The following GRK3 variants were observed in gnomAD, a reference collection of about 807,000 sequenced individuals.
GRK3 encodes G protein-coupled receptor kinase 3, also known as adrenergic, beta, receptor kinase 2.
In GRK3, 54 loss-of-function variants were observed where a neutral mutation model predicts 95.7. That is an observed-to-expected ratio of 0.56 (90% CI 0.45 to 0.71). GRK3 has a LOEUF of 0.71. GRK3 is among the 30% of genes least tolerant of loss of function. The pLI, the probability that GRK3 is intolerant of heterozygous loss-of-function variation, is 0.00. For synonymous variants in GRK3, 281 were observed against 290.8 expected (o/e 0.97, Z 0.34); for missense variants, 649 against 851.2 (o/e 0.76, Z 2.96).
intron 5 of GRK3, among the ~76,000 whole-genome samples, chr22:25,666,840 A>G (rs1295228320): frequency 6.6e-6 from 1 of 152,184 alleles, no homozygotes; most frequent in East Asian, 1.9e-4. Context: ...AGGGTGCCAA[A>G]ATGTTTCCCA....
intron 17 of GRK3, 89 bp from the exon 18 acceptor site, chr22:25,714,319 T>C (rs1245465653): frequency 1.8e-5 from 20 of 1,106,434 alleles, no homozygotes; most frequent in South Asian, 3.2e-5. Flanking sequence ...TATAGAGTTA[T>C]GATAGAGTCA....
At chr22:25,666,673 C>T (rs1601512592) in intron 5 of GRK3, among the ~76,000 whole-genome samples, 2 of 152,208 alleles carry the variant, frequency 1.3e-5, no homozygotes, top group Admixed American at 1.3e-4. Context: ...CCTCCCAGCC[C>T]ATGTTTGGTT....
chr22:25,695,875 C>T (rs2085204189), intron 13 of GRK3, among the ~76,000 whole-genome samples: 1 of 149,604 alleles, frequency 6.7e-6, no homozygotes, highest in Non-Finnish European at 1.5e-5. Flanking sequence ...CGCTCTGTCT[C>T]CCAGGCTGGA....
chr22:25,660,354 A>G (rs1397900338), intron 3 of GRK3, among the ~76,000 whole-genome samples: 2 of 152,100 alleles, frequency 1.3e-5, no homozygotes, highest in African/African-American at 2.4e-5. Flanking sequence ...TTCCTGTTGG[A>G]TAGAGTATCA....
intron 3 of GRK3, chr22:25,647,145 G>A (rs921326615): frequency 6.2e-5 from 25 of 400,844 alleles, no homozygotes; most frequent in African/African-American, 4.4e-4. Context: ...AATGGAGGAC[G>A]AGGAGGTGGA....
intron 12 of GRK3, among the ~76,000 whole-genome samples, chr22:25,692,052 C>T (rs139389304): frequency 1.9e-3 from 283 of 152,304 alleles, no homozygotes; most frequent in African/African-American, 6.2e-3. Context: ...CAGCCTCCCC[C>T]TCCCGGGCCC....
intron 5 of GRK3, among the ~76,000 whole-genome samples, chr22:25,667,228 A>T (rs1221877190): frequency 6.6e-6 from 1 of 152,066 alleles, no homozygotes; most frequent in East Asian, 1.9e-4. Flanking sequence ...ATTAAAAAAA[A>T]TTTCACTTCA....
rs1251238715 is a variant in GRK3, at chr22:25,564,778, G to GGGGCGGCGCGCGTGCGCGGGGCGCC, written c.-250_-226dup. ...CCGCAGACCCTCGCTGAAGGAGCAGGGGGCGGCGCGCGTGCGCGGGGCGCC... is the reference window on the plus strand; with the variant it reads ...CCGCAGACCCTCGCTGAAGGAGCAGGGGGCGGCGCGCGTGCGCGGGGCGCCGGGCGGCGCGCGTGCGCGGGGCGCC... On this transcript the variant is annotated 5_prime_UTR_variant, in exon 1 of 21. Transcript: ENST00000324198. 1.3e-5 allele frequency: 2 copies of GGGGCGGCGCGCGTGCGCGGGGCGCC among 150,368 alleles called. No individual in the cohort carries two copies. Among genetic ancestry groups the GGGGCGGCGCGCGTGCGCGGGGCGCC allele is most frequent in the African/African-American group, 2.4e-5 (1 of 41,140 alleles). The allele number at this position is 150,368 out of a possible 1,614,324, so 9.3% of individuals were successfully genotyped here. A position where few individuals can be genotyped will look rare whatever the true frequency, so the allele number is the denominator to read the frequency against.
At chr22:25,595,223 T>G (rs1438941874) in intron 1 of GRK3, among the ~76,000 whole-genome samples, 1 of 152,168 alleles carries the variant, frequency 6.6e-6, no homozygotes, top group African/African-American at 2.4e-5. Flanking sequence ...ACTGTCTTTC[T>G]TTGCCGATGA....
intron 7 of GRK3, 91 bp from the exon 8 acceptor site, chr22:25,674,346 T>TA: frequency 9.8e-7 from 1 of 1,023,010 alleles, no homozygotes; most frequent in South Asian, 1.5e-5. Flanking sequence ...ATTGCTATTT[T>TA]AATTACTGTC....
At chr22:25,618,033 A>G (rs941492963) in intron 2 of GRK3, among the ~76,000 whole-genome samples, 4 of 152,224 alleles carry the variant, frequency 2.6e-5, no homozygotes, top group Non-Finnish European at 5.9e-5. Context: ...TTGGCCTCCC[A>G]AAGTGCTGGG....
intron 2 of GRK3, among the ~76,000 whole-genome samples, chr22:25,641,527 A>T (rs547323734): frequency 6.6e-6 from 1 of 152,328 alleles, no homozygotes; most frequent in East Asian, 1.9e-4. Flanking sequence ...AGCAAATATA[A>T]ACATGCGACA....
Position 25,670,485 on chromosome 22 carries a change from A to T in GRK3, c.504-1811A>T, listed in dbSNP as rs1431883121. 2.6e-5 allele frequency among the ~76,000 whole-genome samples: 4 copies of T among 151,974 alleles called. No homozygotes were observed. The East Asian group carries it at 5.8e-4, about 22-fold the overall frequency. On this transcript the variant is annotated intron_variant, in intron 6 of 20. Transcript: ENST00000324198. ...CACTGCACTCCGGCCTGGGACACAG[A>T]GTGAGACCCTGTCTCCAAAAGAAAA...
rs1271809190 is a variant in GRK3 at position 25,674,369 on chromosome 22, G to GA, written c.556-62dup. On this transcript the variant is annotated intron_variant, in intron 7 of 20. Coordinates refer to ENST00000324198, the MANE Select transcript of GRK3 (RefSeq NM_005160.4). Reference sequence around the variant, plus strand: ...TTTAATTACTGTCTATGTTTTGCATGAAAAAATCTTTAAAACACCATAGCT... The same window carrying GA: ...TTTAATTACTGTCTATGTTTTGCATGAAAAAAATCTTTAAAACACCATAGCT... The GA allele has an allele frequency of 1.1e-5, 15 of 1,311,200 alleles. No homozygotes were observed. In the African/African-American group the frequency reaches 1.9e-4, roughly 17 times the overall value. The allele number at this position is 1,311,200 out of a possible 1,614,324, so 81.2% of individuals were successfully genotyped here.
rs77839692 is a variant in GRK3 at position 25,719,261 on chromosome 22, G to T, written c.1791+880G>T. 7.6e-3 allele frequency among the ~76,000 whole-genome samples: 1,159 copies of T among 152,084 alleles called. 11 individuals carry two copies. Among genetic ancestry groups the T allele is most frequent in the Middle Eastern group, 0.051 (15 of 294 alleles). ...GGTCCAACTCTCATTTTATAAAGAG[G>T]AAAGCAGGCTTAGAAGAGGAAAGTC... On this transcript the variant is annotated intron_variant, in intron 19 of 20. Coordinates refer to ENST00000324198, the MANE Select transcript of GRK3 (RefSeq NM_005160.4).
At chr22:25,649,994 ATTT>A (rs112952125) in intron 3 of GRK3, among the ~76,000 whole-genome samples, 2 of 144,908 alleles carry the variant, frequency 1.4e-5, no homozygotes, top group Non-Finnish European at 3.1e-5. Flanking sequence ...GGTTGCATTG[ATTT>A]TTTTTTTTTT....
At chr22:25,581,450 C>G (rs916011058) in intron 1 of GRK3, 2 of 152,178 alleles carry the variant, frequency 1.3e-5, no homozygotes, top group Non-Finnish European at 2.9e-5. Context: ...GCATCTCAAA[C>G]AACTTAGATT....
At chr22:25,601,393 C>T (rs2084408739) in intron 1 of GRK3, among the ~76,000 whole-genome samples, 1 of 152,074 alleles carries the variant, frequency 6.6e-6, no homozygotes, top group Non-Finnish European at 1.5e-5. Context: ...AATGAAGCAA[C>T]ACATTTCTAA....
chr22:25,631,369 A>G (rs1260969415), intron 2 of GRK3, among the ~76,000 whole-genome samples: 2 of 152,192 alleles, frequency 1.3e-5, no homozygotes, highest in Non-Finnish European at 2.9e-5. Flanking sequence ...TCCTCCATAC[A>G]AACTTGTGTT....
Sources: gnomAD v4.1 joint callset for allele counts (sites outside exome capture counted in the v4.1 genomes callset) on GRCh38, gnomAD v4.1.1 for gene constraint, MANE v1.5 for transcripts, NCBI Gene and HGNC (gene_info 2026-07-23, HGNC 2026-07-21) for gene names.